SCN9A: variants seen among roughly 807,000 people sequenced by gnomAD.
The protein encoded by SCN9A is sodium voltage-gated channel alpha subunit 9.
In SCN9A, 131 loss-of-function variants were observed where a neutral mutation model predicts 187.0. The observed-to-expected ratio is 0.70, with a 90% confidence interval of 0.61 to 0.81. SCN9A has a LOEUF of 0.81. Ranked by LOEUF, SCN9A falls within the 30% of genes least tolerant of loss-of-function variation. The pLI, the probability that SCN9A is intolerant of heterozygous loss-of-function variation, is 0.00. For synonymous variants in SCN9A, 809 were observed against 808.6 expected, an observed-to-expected ratio of 1.00 and a Z score of -0.01; for missense variants, 2,252 against 2,396.6, an observed-to-expected ratio of 0.94 and a Z score of 1.26.
chr2:166,312,616 T>C (rs1056481674), intron 1 of SCN9A, among the ~76,000 whole-genome samples: 6 of 152,288 alleles, frequency 3.9e-5, no homozygotes, highest in African/African-American at 1.4e-4. Flanking sequence ...GAGGAATCAC[T>C]ATCTATGGCA....
Position 166,277,587 on chromosome 2 carries a change from A to G in SCN9A, c.2518-248T>C, listed in dbSNP as rs181418104. On this transcript the variant is annotated intron_variant, in intron 15 of 26. Coordinates refer to ENST00000642356, the MANE Select transcript of SCN9A (RefSeq NM_001365536.1). ...TGTACTTTTAGTTCAGGATTGCTAT[A>G]GAAACCTCTTATCATAATTTGTGAT... is the stretch of plus-strand genomic sequence containing the variant. The G allele has an allele frequency of 6.2e-4, 248 of 401,742 alleles. 4 individuals carry two copies. In the East Asian group the frequency reaches 9.0e-3, roughly 15 times the overall value. The allele number at this position is 401,742 out of a possible 1,614,324, so 24.9% of individuals were successfully genotyped here.
chr2:166,309,187 A>G (rs1180640646), intron 2 of SCN9A, among the ~76,000 whole-genome samples: 1 of 152,074 alleles, frequency 6.6e-6, no homozygotes, highest in Non-Finnish European at 1.5e-5. Context: ...TATAAACCGG[A>G]GGTCATCTGA....
intron 8 of SCN9A, 34 bp from the exon 9 acceptor site, chr2:166,293,406 G>A (rs780880504): frequency 1.3e-6 from 2 of 1,555,618 alleles, no homozygotes; most frequent in East Asian, 4.6e-5. Context: ...AGGTGAGAGT[G>A]TCTTCAGGAC....
chr2:166,228,862 G>T lies in SCN9A; in HGVS notation c.4035C>A (p.Gly1345=), dbSNP rs147642223. The T allele has an allele frequency of 3.1e-6, 5 of 1,613,802 alleles. No individual in the cohort carries two copies. The African/African-American group carries it at 6.7e-5, about 22-fold the overall frequency. ...FSIMGVNLFA[G]KFYECINTTD... ...TGGTGTTAATACACTCATAGAACTTGCCAGCAAACAAATTTACTCCCATGA... is the reference window on the plus strand; with the variant it reads ...TGGTGTTAATACACTCATAGAACTTTCCAGCAAACAAATTTACTCCCATGA... Residue 1345 remains glycine, a synonymous_variant, in exon 22 of 27, where the codon GGC becomes GGA. Coordinates refer to ENST00000642356, the MANE Select transcript of SCN9A (RefSeq NM_001365536.1).
intron 1 of SCN9A, among the ~76,000 whole-genome samples, chr2:166,365,814 T>C (rs1043955716): frequency 1.3e-5 from 2 of 152,214 alleles, no homozygotes; most frequent in African/African-American, 2.4e-5. Flanking sequence ...GGTACAATGA[T>C]GGATAGTGGC....
intron 17 of SCN9A, among the ~76,000 whole-genome samples, chr2:166,266,692 G>A (rs1003613632): frequency 2.0e-5 from 3 of 151,146 alleles, no homozygotes; most frequent in Admixed American, 6.6e-5. Context: ...TCTAATCCAT[G>A]AACATGGAAT....
chr2:166,211,045 C>T (rs189984430), intron 24 of SCN9A, among the ~76,000 whole-genome samples: 5 of 137,960 alleles, frequency 3.6e-5, no homozygotes, highest in African/African-American at 5.6e-5. Context: ...CTGGGCAACA[C>T]GGTGAAACTC....
chr2:166,342,762 C>G, intron 1 of SCN9A, among the ~76,000 whole-genome samples: 1 of 152,106 alleles, frequency 6.6e-6, no homozygotes, highest in East Asian at 1.9e-4. Flanking sequence ...TTAAATCTAT[C>G]ATTACCTTGA....
chr2:166,222,945 CAAAAAA>C (rs1309168684), intron 24 of SCN9A, among the ~76,000 whole-genome samples: 1 of 44,984 alleles, frequency 2.2e-5, no homozygotes, highest in African/African-American at 9.6e-5. Context: ...AAAAAAACAA[CAAAAAA>C]AAAAAAAAAA....
At chr2:166,228,201 C>T (rs1054449884) in intron 22 of SCN9A, among the ~76,000 whole-genome samples, 2 of 151,102 alleles carry the variant, frequency 1.3e-5, no homozygotes, top group African/African-American at 4.9e-5. Flanking sequence ...GCAACAGAAC[C>T]CATGCTTCTT....
At chr2:166,363,692 A>T (rs6729980) in intron 1 of SCN9A, among the ~76,000 whole-genome samples, 8,467 of 152,026 alleles carry the variant, frequency 0.056, 776 homozygotes, top group African/African-American at 0.19. Flanking sequence ...AGGAATTTTT[A>T]AAAAATCACC....
At position 166,195,820 on chromosome 2, in the gene SCN9A, A is replaced by C. The variant is rs370602983; in HGVS notation, c.*2852T>G. Reference sequence around the variant, plus strand: ...CCCCAGCATGTTGGCAGGTCATGACAGTAGGAACACTTGAAGCCAGGAGTT... The same window carrying C: ...CCCCAGCATGTTGGCAGGTCATGACCGTAGGAACACTTGAAGCCAGGAGTT... On this transcript the variant is annotated 3_prime_UTR_variant, in exon 27 of 27. Coordinates refer to ENST00000642356, the MANE Select transcript of SCN9A (RefSeq NM_001365536.1). 30 of 152,238 alleles carry C rather than the reference A, an allele frequency of 2.0e-4. No individual in the cohort carries two copies. The highest frequency in any genetic ancestry group is 2.0e-3 in the Admixed American group (30 of 15,264). The allele number at this position is 152,238 out of a possible 1,614,324, so 9.4% of individuals were successfully genotyped here. A position where few individuals can be genotyped will look rare whatever the true frequency, so the allele number is the denominator to read the frequency against.
Position 166,286,639 on chromosome 2 carries a change from C to T in SCN9A, c.1315-16G>A, listed in dbSNP as rs759551082. The T allele has an allele frequency of 1.1e-5, 16 of 1,503,422 alleles. No homozygotes were observed. The highest frequency in any genetic ancestry group is 4.6e-5 in the East Asian group (2 of 43,158). The allele number at this position is 1,503,422 out of a possible 1,614,324, so 93.1% of individuals were successfully genotyped here. A position where few individuals can be genotyped will look rare whatever the true frequency, so the allele number is the denominator to read the frequency against. ...CTGCAATTGCCTGGTTGGGCCAAGA[C>T]GTTAACACTTAAATGAGTCATTTCC... is the stretch of plus-strand genomic sequence containing the variant. On this transcript the variant is annotated splice_polypyrimidine_tract_variant and intron_variant, in intron 10 of 26. Transcript: ENST00000642356.
At chr2:166,339,689 T>A (rs1179766771) in intron 1 of SCN9A, among the ~76,000 whole-genome samples, 1 of 152,182 alleles carries the variant, frequency 6.6e-6, no homozygotes, top group Non-Finnish European at 1.5e-5. Context: ...TCAAACAGTA[T>A]TTGTTAATTA....
intron 26 of SCN9A, 112 bp downstream of exon 26, chr2:166,203,843 C>G (rs1041226781): frequency 7.6e-5 from 51 of 672,166 alleles, no homozygotes; most frequent in Non-Finnish European, 5.0e-6. Context: ...TTTCATTGTA[C>G]TGACTTACTC....
At chr2:166,346,745 T>G (rs533714676) in intron 1 of SCN9A, among the ~76,000 whole-genome samples, 1 of 152,222 alleles carries the variant, frequency 6.6e-6, no homozygotes, top group Non-Finnish European at 1.5e-5. Context: ...CATTGTTCTC[T>G]CTAAAGCGTG....
rs563961161 is a variant in SCN9A, at chr2:166,279,107, G to T, written c.2344-794C>A. Among the ~76,000 whole-genome samples the T allele has an allele frequency of 7.9e-5, 12 of 152,280 alleles. No homozygotes were observed. The East Asian group carries it at 2.1e-3, about 27-fold the overall frequency. ...AAATCCTTTCTGAGTTCACAGGGAT[G>T]CAGTCGTCTCAGTGAGAAGGTACTT... is the stretch of plus-strand genomic sequence containing the variant. On this transcript the variant is annotated intron_variant, in intron 14 of 26. Transcript: ENST00000642356.
rs940624727 is a variant in SCN9A, at chr2:166,196,981, G to T, written c.*1691C>A. 2 of 151,922 alleles carry T rather than the reference G, an allele frequency of 1.3e-5. No homozygotes were observed. Among genetic ancestry groups the T allele is most frequent in the African/African-American group, 4.8e-5 (2 of 41,380 alleles). 9.4% of individuals were successfully genotyped at this position (151,922 alleles called of 1,614,324 possible). ...TAACCATAAATCTTTGTTTCTATAG[G>T]TACGTTTAAATCCTCTTTCTTTTTA... On this transcript the variant is annotated 3_prime_UTR_variant, in exon 27 of 27. Transcript: ENST00000642356.
intron 18 of SCN9A, 22 bp downstream of exon 18, chr2:166,251,743 A>C: frequency 6.2e-7 from 1 of 1,611,968 alleles, no homozygotes; most frequent in South Asian, 1.1e-5. Flanking sequence ...AATGCTAACC[A>C]AGGTCTCAAT....
Sources: allele counts gnomAD v4.1 joint callset (sites outside exome capture counted in the v4.1 genomes callset), GRCh38; gene constraint gnomAD v4.1.1; transcripts MANE v1.5; gene names NCBI Gene and HGNC (gene_info 2026-07-23, HGNC 2026-07-21).